STAMBP: variants seen among roughly 807,000 people sequenced by gnomAD.
STAMBP encodes STAM binding protein, also known as STAM-binding protein.
In STAMBP, 31 loss-of-function variants were observed where a neutral mutation model predicts 50.7. The observed-to-expected ratio is 0.61, with a 90% CI of 0.46 to 0.83. STAMBP has a LOEUF of 0.83. STAMBP is among the 40% of genes least tolerant of loss of function. The pLI is 0.00. For missense variants in STAMBP, 472 were observed against 518.9 expected, an observed-to-expected ratio of 0.91 and a Z score of 0.88; for synonymous variants, 211 against 192.4, an observed-to-expected ratio of 1.10 and a Z score of -0.80.
chr2:73,859,405 G>T (rs899506669), intron 8 of STAMBP, 39 bp downstream of exon 8: 4 of 1,527,294 alleles, frequency 2.6e-6, no homozygotes, highest in Admixed American at 1.7e-5. Context: ...TTTCAAGGGG[G>T]TAGTAGGGAA....
At position 73,850,490 on chromosome 2, in the gene STAMBP, C is replaced by G; in HGVS notation, c.982C>G (p.Leu328Val). The G allele has an allele frequency of 6.2e-7, 1 of 1,613,430 alleles. No individual in the cohort carries two copies. Among genetic ancestry groups the G allele is most frequent in the South Asian group, 1.1e-5 (1 of 90,826 alleles). ...ELFLIQDQQG[L>V]ITLGWIHTHP... ...TTTCCTCATACAGGATCAGCAGGGC[C>G]TCATCACACTGGGCTGGATTCATGT... Residue 328 changes from leucine (L) to valine (V), a missense_variant, in exon 7 of 10, where the codon CTC becomes GTC. Transcript: ENST00000394070. This position sits in a 1 kb window ranked among gnomAD's most constrained non-coding sequence, Gnocchi z 4.3.
chr2:73,855,547 C>CT (rs1677441225), intron 7 of STAMBP: 1 of 454,894 alleles, frequency 2.2e-6, no homozygotes, highest in African/African-American at 2.0e-5. Flanking sequence ...ATCCTGGACT[C>CT]TAACCATGGG....
intron 1 of STAMBP, 71 bp from the exon 2 acceptor site, chr2:73,830,765 AGAGGTCTGT>A (rs1172829896): frequency 9.7e-7 from 1 of 1,028,770 alleles, no homozygotes; most frequent in African/African-American, 1.6e-5. Flanking sequence ...TTCTTAAGGT[AGAGGTCTGT>A]GAGATAAACT....
At chr2:73,834,069 G>C (rs1185173129) in intron 2 of STAMBP, among the ~76,000 whole-genome samples, 4 of 150,822 alleles carry the variant, frequency 2.7e-5, no homozygotes, top group African/African-American at 9.8e-5. Context: ...AAATTAGCCT[G>C]GTGTGGTGGC....
chr2:73,841,653 G>T (rs533404366), intron 2 of STAMBP, among the ~76,000 whole-genome samples: 1 of 152,204 alleles, frequency 6.6e-6, no homozygotes, highest in African/African-American at 2.4e-5. Context: ...TCTTCTTCCA[G>T]TGTGGCCCAG....
intron 10 of STAMBP, among the ~76,000 whole-genome samples, chr2:73,872,889 C>T (rs1679254678): frequency 6.6e-6 from 1 of 152,138 alleles, no homozygotes; most frequent in Non-Finnish European, 1.5e-5. Context: ...TAAAGTAAAA[C>T]ACGTAAACCG....
At chr2:73,862,136 G>GAA in intron 9 of STAMBP, 67 bp from the exon 10 acceptor site, 1 of 1,378,482 alleles carries the variant, frequency 7.3e-7, no homozygotes, top group Non-Finnish European at 9.8e-7. Flanking sequence ...GACCCTATAT[G>GAA]AAGAAAAAAA....
At chr2:73,872,591 G>A (rs901092732) in intron 10 of STAMBP, among the ~76,000 whole-genome samples, 4 of 152,220 alleles carry the variant, frequency 2.6e-5, no homozygotes, top group African/African-American at 9.6e-5. Flanking sequence ...AGCAATTCAT[G>A]ATCAATGAGT....
chr2:73,869,670 A>G (rs1357007475), downstream of STAMBP, among the ~76,000 whole-genome samples: 1 of 152,218 alleles, frequency 6.6e-6, no homozygotes, highest in Non-Finnish European at 1.5e-5. Flanking sequence ...GCACATGTAT[A>G]CATATGGAAC....
intron 2 of STAMBP, among the ~76,000 whole-genome samples, chr2:73,832,108 T>TACACAC (rs1553376119): frequency 0.011 from 1,325 of 122,796 alleles, 63 homozygotes; most frequent in African/African-American, 0.042. Flanking sequence ...TATATATATA[T>TACACAC]ACACATATAT....
rs374466185 is a variant in STAMBP at position 73,859,305 on chromosome 2, T to C, written c.1057T>C (p.Cys353Arg). The change falls in exon 8 of 10, where the codon TGC becomes CGC. Residue 353 changes from cysteine to arginine, a missense_variant. Physicochemically the swap from Cys to Arg is radical, Grantham distance 180 (BLOSUM62 -3). Coordinates refer to ENST00000394070, the MANE Select transcript of STAMBP (RefSeq NM_213622.4). ...CTCCAGTGTCGACCTACACACTCAC[T>C]GCTCTTACCAGATGATGTTGCCAGA... ...FLSSVDLHTHCSYQMMLPESV... is the reference protein window; with the variant it reads ...FLSSVDLHTHRSYQMMLPESV... 7.4e-6 allele frequency: 12 copies of C among 1,614,074 alleles called. No homozygotes were observed. In the African/African-American group the frequency reaches 1.3e-4, roughly 18 times the overall value.
chr2:73,830,806 G>A (rs1450265865), intron 1 of STAMBP, 39 bp from the exon 2 acceptor site: 2 of 1,503,918 alleles, frequency 1.3e-6, no homozygotes, highest in Non-Finnish European at 1.8e-6. Flanking sequence ...GGGATGATGA[G>A]GGCAACGGTA....
chr2:73,838,958 T>G (rs1482305757), intron 2 of STAMBP, among the ~76,000 whole-genome samples: 1 of 152,210 alleles, frequency 6.6e-6, no homozygotes, highest in Non-Finnish European at 1.5e-5. Flanking sequence ...TGATTCTCAG[T>G]CTGTTTTCTG....
At chr2:73,867,931 C>CG (rs201414342), downstream of STAMBP, among the ~76,000 whole-genome samples, 784 of 152,026 alleles carry the variant, frequency 5.2e-3, 6 homozygotes, top group African/African-American at 0.017. Flanking sequence ...TCAAGACCAG[C>CG]GTGACAAACA....
chr2:73,830,990 G>T lies in STAMBP; in HGVS notation c.134G>T (p.Arg45Leu). Residue 45 changes from arginine (R) to leucine (L), a missense_variant, in exon 2 of 10, where the codon CGA becomes CTA. By Grantham distance (102) the Arg-to-Leu change is moderately radical. Coordinates refer to ENST00000394070, the MANE Select transcript of STAMBP (RefSeq NM_213622.4). ...TTCCGCTCTGGAGTTGAGATTATCC[G>T]AATGGCATCCATTTACTCTGAGGAA... ...RYFRSGVEII[R>L]MASIYSEEGN... The T allele has an allele frequency of 1.2e-6, 2 of 1,614,166 alleles. No homozygotes were observed. Among genetic ancestry groups the T allele is most frequent in the Non-Finnish European group, 1.7e-6 (2 of 1,180,026 alleles).
Position 73,859,386 on chromosome 2 carries a change from T to C in STAMBP, c.1118+20T>C. ...CCAGGAGTGAGTATAGAGGGCATGG[T>C]TCTGGGTGTTTCAAGGGGGTAGTAG... is the stretch of plus-strand genomic sequence containing the variant. On this transcript the variant is annotated intron_variant, in intron 8 of 9. Transcript: ENST00000394070. 1 of 1,595,176 alleles carries C rather than the reference T, an allele frequency of 6.3e-7. No homozygotes were observed. Among genetic ancestry groups the C allele is most frequent in the East Asian group, 2.2e-5 (1 of 44,764 alleles).
chr2:73,831,141 C>A, intron 2 of STAMBP, 82 bp downstream of exon 2: 1 of 1,106,770 alleles, frequency 9.0e-7, no homozygotes, highest in Non-Finnish European at 1.4e-6. Flanking sequence ...AACCACAGAA[C>A]TTCACAATAT....
chr2:73,835,340 C>T lies in STAMBP; in HGVS notation c.203+4281C>T, dbSNP rs140802071. 8.0e-3 allele frequency among the ~76,000 whole-genome samples: 1,106 copies of T among 138,430 alleles called. 30 individuals are homozygous for T. In the East Asian group the frequency reaches 0.09, roughly 11 times the overall value. 90.8% of individuals were successfully genotyped at this position (138,430 alleles called of 152,430 possible). On this transcript the variant is annotated intron_variant, in intron 2 of 9. Coordinates refer to ENST00000394070, the MANE Select transcript of STAMBP (RefSeq NM_213622.4). ...CTGCACTCCAGCCTGGGTGATAGAG[C>T]GAGACTCGGTCTCAAAAAAAAAAAA...
intron 7 of STAMBP, among the ~76,000 whole-genome samples, chr2:73,858,025 C>T (rs1019345958): frequency 6.6e-6 from 1 of 151,970 alleles, no homozygotes; most frequent in Non-Finnish European, 1.5e-5. Context: ...CTCTGTCACC[C>T]AGGCTGGAGT....
Sources: allele counts gnomAD v4.1 joint callset (sites outside exome capture counted in the v4.1 genomes callset), GRCh38; gene constraint gnomAD v4.1.1; non-coding constraint Gnocchi (gnomAD v3.1); transcripts MANE v1.5; gene names NCBI Gene and HGNC (gene_info 2026-07-23, HGNC 2026-07-21).